Variants in HAUS1 observed in about 807,000 individuals in gnomAD.
HAUS1 encodes the protein HAUS augmin like complex subunit 1.
HAUS1 carries 25 observed loss-of-function variants against 38.6 expected under a neutral mutation model. The ratio of observed to expected loss-of-function variants is 0.65; its 90% CI spans 0.47 to 0.91. The LOEUF (loss-of-function observed/expected upper bound fraction) is 0.91. Ranked by LOEUF, HAUS1 falls within the 40% of genes least tolerant of loss-of-function variation. The probability of loss-of-function intolerance (pLI) is 0.00; values close to 1 mark genes in which losing one functional copy is unlikely to be tolerated. For synonymous variants in HAUS1, 109 were observed against 112.9 expected, an observed-to-expected ratio of 0.97 and a Z score of 0.22; for missense variants, 325 against 328.4, an observed-to-expected ratio of 0.99 and a Z score of 0.08.
At chr18:46,109,596 G>A (rs1174789515) in intron 2 of HAUS1, 2 of 151,652 alleles carry the variant, frequency 1.3e-5, no homozygotes, top group Non-Finnish European at 1.5e-5. Context: ...GTATTCTCTT[G>A]TTGGGTGGAG....
chr18:46,104,470 C>A, intron 1 of HAUS1, 29 bp downstream of exon 1: 1 of 1,456,960 alleles, frequency 6.9e-7, no homozygotes, highest in Non-Finnish European at 9.1e-7. Flanking sequence ...GGATCGTTGG[C>A]CTCCTGGAAA....
chr18:46,115,747 C>T (rs1201974730), intron 2 of HAUS1, among the ~76,000 whole-genome samples: 2 of 152,106 alleles, frequency 1.3e-5, no homozygotes, highest in African/African-American at 4.8e-5. Flanking sequence ...AAAGCACAAG[C>T]AAACAAAATA....
At chr18:46,116,953 CAG>C (rs149396412) in intron 2 of HAUS1, among the ~76,000 whole-genome samples, 11,168 of 152,172 alleles carry the variant, frequency 0.073, 505 homozygotes, top group African/African-American at 0.13. Context: ...TCCTGGATGA[CAG>C]AGTGAGACCC....
intron 2 of HAUS1, among the ~76,000 whole-genome samples, chr18:46,111,191 A>C (rs1175713505): frequency 6.6e-6 from 1 of 151,736 alleles, no homozygotes; most frequent in Non-Finnish European, 1.5e-5. Flanking sequence ...TTACTTCAGC[A>C]TTTTTTACCC....
At chr18:46,114,875 G>T (rs1401019188) in intron 2 of HAUS1, among the ~76,000 whole-genome samples, 1 of 152,102 alleles carries the variant, frequency 6.6e-6, no homozygotes, top group East Asian at 1.9e-4. Context: ...TTGAATAGTT[G>T]TTTCTTCATT....
At chr18:46,119,068 A>G (rs1911868086) in intron 3 of HAUS1, among the ~76,000 whole-genome samples, 1 of 152,010 alleles carries the variant, frequency 6.6e-6, no homozygotes, top group African/African-American at 2.4e-5. Flanking sequence ...ACAGGGTTTC[A>G]CCATGCTGGC....
At chr18:46,121,723 A>T (rs1184604991) in intron 4 of HAUS1, 1 of 152,088 alleles carries the variant, frequency 6.6e-6, no homozygotes, top group South Asian at 2.1e-4. Flanking sequence ...AGTGAGCACC[A>T]ATTTTTTTTT....
chr18:46,127,114 G>A (rs554141074), intron 8 of HAUS1, among the ~76,000 whole-genome samples: 2 of 151,694 alleles, frequency 1.3e-5, no homozygotes, highest in African/African-American at 4.8e-5. Context: ...AGTTACAGGC[G>A]TGAGCCACCG....
rs543066085 is a variant in HAUS1, at chr18:46,105,636, C to T, written c.205+268C>T. The stretch of plus-strand genomic sequence containing the variant: ...TTGCTCTGTCGCCCAGGCTGGAGTG[C>T]AGTGGTGTGATCTCAGCTCACTGCA... On this transcript the variant is annotated intron_variant, in intron 2 of 8. Transcript: ENST00000282058. Among the ~76,000 whole-genome samples, 552 of 150,672 alleles carry T rather than the reference C, an allele frequency of 3.7e-3. 7 individuals carry two copies. The highest frequency in any genetic ancestry group is 0.012 in the African/African-American group (505 of 40,944).
At chr18:46,106,127 G>A (rs746270721) in intron 2 of HAUS1, among the ~76,000 whole-genome samples, 4 of 152,128 alleles carry the variant, frequency 2.6e-5, no homozygotes, top group Non-Finnish European at 5.9e-5. Context: ...CTATGACTAC[G>A]TATCAGGAGA....
intron 2 of HAUS1, among the ~76,000 whole-genome samples, chr18:46,116,119 AAGGGG>A (rs1008784972): frequency 1.3e-5 from 2 of 151,832 alleles, no homozygotes; most frequent in East Asian, 1.9e-4. Context: ...AAGGGAAGGG[AAGGGG>A]AGGGGAGGGG....
chr18:46,104,844 G>T (rs1911414109), intron 1 of HAUS1, among the ~76,000 whole-genome samples: 1 of 152,182 alleles, frequency 6.6e-6, no homozygotes, highest in Admixed American at 6.5e-5. Flanking sequence ...AGGGACAATT[G>T]CTTTTTTCAG....
In HAUS1 at chr18:46,128,197, T is replaced by C. The variant is rs1912162862; in HGVS notation, c.*72T>C. 2 of 876,802 alleles carry C rather than the reference T, an allele frequency of 2.3e-6. No homozygotes were observed. The highest frequency in any genetic ancestry group is 3.5e-6 in the Non-Finnish European group (2 of 572,874). The allele number at this position is 876,802 out of a possible 1,614,324, so 54.3% of individuals were successfully genotyped here. On this transcript the variant is annotated 3_prime_UTR_variant, in exon 9 of 9. Transcript: ENST00000282058. ...GGACTTTACAGAGTTCTTTTTCCTC[T>C]TGGCATTTCCTAATAACAAAACTTT...
intron 2 of HAUS1, among the ~76,000 whole-genome samples, chr18:46,117,720 G>A (rs1194346109): frequency 6.6e-6 from 1 of 152,004 alleles, no homozygotes; most frequent in African/African-American, 2.4e-5. Flanking sequence ...CAAAGTGGGC[G>A]GATCACGAGG....
At chr18:46,108,271 CTTTTTT>C (rs1166729740) in intron 2 of HAUS1, among the ~76,000 whole-genome samples, 5 of 115,214 alleles carry the variant, frequency 4.3e-5, no homozygotes, top group African/African-American at 1.3e-4. Context: ...GAATTTACTT[CTTTTTT>C]TTTTTTTTTT....
chr18:46,125,200 C>T (rs1206597460), intron 7 of HAUS1, among the ~76,000 whole-genome samples: 2 of 151,624 alleles, frequency 1.3e-5, no homozygotes, highest in Non-Finnish European at 1.5e-5. Context: ...GCAGAGATTT[C>T]AGTGAGCTAA....
chr18:46,124,784 GT>G, intron 6 of HAUS1, 37 bp from the exon 7 acceptor site: 1 of 1,194,278 alleles, frequency 8.4e-7, no homozygotes, highest in Non-Finnish European at 1.2e-6. Context: ...CATTGTGAAT[GT>G]TTCTATTACT....
At chr18:46,119,779 T>C (rs1296952952) in intron 3 of HAUS1, 147 bp from the exon 4 acceptor site, 1 of 597,286 alleles carries the variant, frequency 1.7e-6, no homozygotes, top group Non-Finnish European at 2.7e-6. Context: ...TTCCAGGCAA[T>C]GGGAACAGTG....
intron 2 of HAUS1, among the ~76,000 whole-genome samples, chr18:46,106,260 G>A (rs1599804302): frequency 6.6e-6 from 1 of 151,720 alleles, no homozygotes; most frequent in African/African-American, 2.4e-5. Context: ...CACAAGGTCA[G>A]GAGATCAAGA....
Sources: gnomAD v4.1 joint callset for allele counts (sites outside exome capture counted in the v4.1 genomes callset) on GRCh38, gnomAD v4.1.1 for gene constraint, MANE v1.5 for transcripts, NCBI Gene and HGNC (gene_info 2026-07-23, HGNC 2026-07-21) for gene names.